The following CIMAP1D variants were observed in gnomAD, a reference collection of about 807,000 sequenced individuals.
CIMAP1D encodes CIMAP1 family member D, also known as protein CIMAP1D.
the CIMAP1D span, among the ~76,000 whole-genome samples, chr19:464,882 T>C: frequency 1.3e-5 from 2 of 151,682 alleles, no homozygotes; most frequent in Non-Finnish European, 2.9e-5. Context: ...AATGGATGGA[T>C]GAGTGGATGA....
the CIMAP1D span, chr19:464,432 C>G: frequency 3.4e-6 from 3 of 893,722 alleles, no homozygotes; most frequent in African/African-American, 3.3e-5. Flanking sequence ...CCTGGCTCCC[C>G]ATGGCCCACA....
At chr19:484,700 A>G in the CIMAP1D span, among the ~76,000 whole-genome samples, 22 of 152,130 alleles carry the variant, frequency 1.4e-4, no homozygotes, top group Admixed American at 3.9e-4. Flanking sequence ...GCACCTGGCG[A>G]GGCGGAGGAG....
chr19:469,412 G>A, the CIMAP1D span, among the ~76,000 whole-genome samples: 3 of 152,128 alleles, frequency 2.0e-5, no homozygotes, highest in African/African-American at 7.2e-5. Flanking sequence ...GATCATGGCT[G>A]GGTGCGGTGG....
chr19:467,915 GT>G, the CIMAP1D span, among the ~76,000 whole-genome samples: 5 of 152,176 alleles, frequency 3.3e-5, no homozygotes, highest in Non-Finnish European at 5.9e-5. Flanking sequence ...GGGGCCCTGA[GT>G]TGTGGCTGCC....
the CIMAP1D span, chr19:489,103 G>A: frequency 6.6e-6 from 1 of 152,142 alleles, no homozygotes; most frequent in African/African-American, 2.4e-5. Flanking sequence ...GTTCAGCTGC[G>A]GGGGCCGCGC....
At chr19:463,671 A>T in the CIMAP1D span, 1 of 953,772 alleles carries the variant, frequency 1.0e-6, no homozygotes, top group Non-Finnish European at 1.5e-6. Context: ...GCCATGGGTC[A>T]CAGCCCCCAG....
At chr19:467,663 C>CG in the CIMAP1D span, 9 of 1,611,408 alleles carry the variant, frequency 5.6e-6, no homozygotes, top group Admixed American at 1.0e-4. Flanking sequence ...AGACTTGGCC[C>CG]GGCCCTGCAT....
chr19:466,506 T>C, the CIMAP1D span, among the ~76,000 whole-genome samples: 7 of 142,292 alleles, frequency 4.9e-5, no homozygotes, highest in Admixed American at 2.1e-4. Flanking sequence ...GTTAGGTAGA[T>C]GGTGGATGGA....
chr19:474,610 C>A, the CIMAP1D span: 2 of 1,515,336 alleles, frequency 1.3e-6, no homozygotes, highest in Non-Finnish European at 1.8e-6. Context: ...TCCCCCACGG[C>A]TGGCACGCAC....
the CIMAP1D span, chr19:489,854 G>A: frequency 2.1e-5 from 8 of 380,498 alleles, no homozygotes; most frequent in African/African-American, 1.7e-4. Context: ...CTCAGAGGCC[G>A]CCGGCCTGCA....
the CIMAP1D span, chr19:464,417 C>A: frequency 8.9e-7 from 1 of 1,121,348 alleles, no homozygotes; most frequent in Non-Finnish European, 1.3e-6. Flanking sequence ...TGCCCAGAGA[C>A]CCGGCCTGGC....
At chr19:466,428 G>A in the CIMAP1D span, among the ~76,000 whole-genome samples, 1 of 147,918 alleles carries the variant, frequency 6.8e-6, no homozygotes, top group Non-Finnish European at 1.5e-5. Flanking sequence ...ATGGTGGATG[G>A]ATGGGTGGAT....
At chr19:484,412 A>G in the CIMAP1D span, among the ~76,000 whole-genome samples, 1 of 152,100 alleles carries the variant, frequency 6.6e-6, no homozygotes, top group South Asian at 2.1e-4. Flanking sequence ...AAGTGCTGGG[A>G]TTACAGGCAT....
the CIMAP1D span, chr19:463,887 G>A: frequency 1.9e-6 from 3 of 1,611,098 alleles, no homozygotes; most frequent in Non-Finnish European, 1.7e-6. Flanking sequence ...AGGCCGGGAG[G>A]GCGTGGTGGC....
At chr19:483,257 C>G in the CIMAP1D span, among the ~76,000 whole-genome samples, 3 of 150,608 alleles carry the variant, frequency 2.0e-5, no homozygotes, top group Non-Finnish European at 4.4e-5. Context: ...CCATCCCCCC[C>G]CAACACCCAC....
At chr19:485,017 G>A in the CIMAP1D span, among the ~76,000 whole-genome samples, 1 of 152,094 alleles carries the variant, frequency 6.6e-6, no homozygotes, top group African/African-American at 2.4e-5. Context: ...GGTCAGGAGT[G>A]GGTGGGTTCT....
chr19:467,673 T>G, the CIMAP1D span: 1 of 1,612,088 alleles, frequency 6.2e-7, no homozygotes, highest in Non-Finnish European at 8.5e-7. Context: ...CGGCCCTGCA[T>G]GGAGTAGGCA....
At chr19:490,040 G>A in the CIMAP1D span, 15,381 of 398,286 alleles carry the variant, frequency 0.039, 940 homozygotes, top group East Asian at 0.22. Context: ...ATGGGTGGTA[G>A]TAAGTAAAAT....
At chr19:490,103 C>T in the CIMAP1D span, 1 of 396,792 alleles carries the variant, frequency 2.5e-6, no homozygotes, top group Non-Finnish European at 4.4e-6. Flanking sequence ...CGCCTGTAAT[C>T]CCAGCACTGT....
Sources: gnomAD v4.1 joint callset for allele counts (sites outside exome capture counted in the v4.1 genomes callset) on GRCh38, gnomAD v4.1.1 for gene constraint, MANE v1.5 for transcripts, NCBI Gene and HGNC (gene_info 2026-07-23, HGNC 2026-07-21) for gene names.